Variants in CNTNAP2 observed in about 807,000 individuals in gnomAD.
CNTNAP2 encodes contactin associated protein 2.
In CNTNAP2, 98 loss-of-function variants were observed where a neutral mutation model predicts 155.2. That is an observed-to-expected ratio of 0.63 (90% CI 0.54 to 0.75). The LOEUF is 0.75. Ranked by LOEUF, CNTNAP2 falls within the 30% of genes least tolerant of loss-of-function variation. The probability of loss-of-function intolerance (pLI) is 0.00; values close to 1 mark genes in which losing one functional copy is unlikely to be tolerated. For synonymous variants in CNTNAP2, 651 were observed against 631.2 expected (o/e 1.03, Z -0.47); for missense variants, 1,727 against 1,688.1 (o/e 1.02, Z -0.40).
At chr7:146,178,762 G>T (rs1427670983) in intron 1 of CNTNAP2, among the ~76,000 whole-genome samples, 1 of 152,128 alleles carries the variant, frequency 6.6e-6, no homozygotes, top group African/African-American at 2.4e-5. Flanking sequence ...CAGGTAGAAT[G>T]AAGAGAAACA....
intron 1 of CNTNAP2, among the ~76,000 whole-genome samples, chr7:146,625,921 C>T (rs541058300): frequency 3.9e-5 from 6 of 152,154 alleles, no homozygotes; most frequent in Middle Eastern, 6.8e-3. Flanking sequence ...AGCTACAATG[C>T]CTCACTCATA....
intron 2 of CNTNAP2, among the ~76,000 whole-genome samples, chr7:146,785,251 G>A (rs1367255798): frequency 6.6e-6 from 1 of 152,076 alleles, no homozygotes; most frequent in Non-Finnish European, 1.5e-5. Flanking sequence ...TAGGATTACA[G>A]GCATGAGCCA....
chr7:147,688,130 C>T (rs184603653), intron 13 of CNTNAP2, among the ~76,000 whole-genome samples: 2,503 of 152,204 alleles, frequency 0.016, 223 homozygotes, highest in Admixed American at 0.15. Context: ...CTCTCTCTCT[C>T]TCTTTAAATA....
rs756765232 is a variant in CNTNAP2, at chr7:147,639,242, T to G, written c.2034T>G (p.Ser678Arg). 5 of 1,614,102 alleles carry G rather than the reference T, an allele frequency of 3.1e-6. No individual in the cohort carries two copies. In the East Asian group the frequency reaches 1.1e-4, roughly 36 times the overall value. ...SMDQISAITD[S>R]AEYCEQYVSY... ...ACCAGATAAGTGCCATCACTGACAG[T>G]GCCGAGTACTGCGAGCAGTATGTCT... The change falls in exon 13 of 24, where the codon AGT becomes AGG. Residue 678 changes from serine to arginine, a missense_variant. By Grantham distance (110) the Ser-to-Arg change is moderately radical. Coordinates refer to ENST00000361727, the MANE Select transcript of CNTNAP2 (RefSeq NM_014141.6).
chr7:146,803,843 G>T (rs1231656669), intron 2 of CNTNAP2, among the ~76,000 whole-genome samples: 1 of 152,152 alleles, frequency 6.6e-6, no homozygotes, highest in Admixed American at 6.5e-5. Flanking sequence ...TTCAAATAAT[G>T]CTGGAAAGCA....
intron 17 of CNTNAP2, among the ~76,000 whole-genome samples, chr7:148,154,101 T>G (rs955201585): frequency 6.6e-6 from 1 of 152,172 alleles, no homozygotes; most frequent in Non-Finnish European, 1.5e-5. Flanking sequence ...TCTCTAGAGG[T>G]TAAAGGGAAC....
chr7:148,118,957 G>T (rs563929417), intron 16 of CNTNAP2, among the ~76,000 whole-genome samples: 71 of 152,336 alleles, frequency 4.7e-4, no homozygotes, highest in Non-Finnish European at 9.3e-4. Context: ...CTCCGTCAGT[G>T]GAAGGTGGGG....
chr7:148,228,678 A>T (rs932981126), intron 19 of CNTNAP2, among the ~76,000 whole-genome samples: 1 of 150,648 alleles, frequency 6.6e-6, no homozygotes, highest in South Asian at 2.1e-4. Flanking sequence ...CAAAAAAAAA[A>T]TTAGCCCAGC....
intron 9 of CNTNAP2, among the ~76,000 whole-genome samples, chr7:147,322,305 G>T (rs902533303): frequency 6.6e-6 from 1 of 152,154 alleles, no homozygotes; most frequent in Non-Finnish European, 1.5e-5. Flanking sequence ...TGCAAGGGGG[G>T]AAAGTAATTA....
chr7:147,510,942 A>C (rs1428880788), intron 11 of CNTNAP2, among the ~76,000 whole-genome samples: 1 of 147,790 alleles, frequency 6.8e-6, no homozygotes, highest in Non-Finnish European at 1.5e-5. Context: ...TCAATCCAAC[A>C]GTTCTATGTC....
chr7:147,190,834 C>A (rs1047741958), intron 8 of CNTNAP2, among the ~76,000 whole-genome samples: 2 of 152,046 alleles, frequency 1.3e-5, no homozygotes, highest in Admixed American at 1.3e-4. Context: ...ACATAAAGTG[C>A]TTTGTGAAGG....
chr7:147,127,720 A>G (rs1332120919), intron 6 of CNTNAP2, among the ~76,000 whole-genome samples: 3 of 152,174 alleles, frequency 2.0e-5, no homozygotes, highest in African/African-American at 7.2e-5. Flanking sequence ...ATATATTCTC[A>G]TTGAAAATAA....
At chr7:146,477,689 A>G (rs549992278) in intron 1 of CNTNAP2, among the ~76,000 whole-genome samples, 7 of 151,258 alleles carry the variant, frequency 4.6e-5, no homozygotes, top group South Asian at 2.1e-4. Flanking sequence ...TCTGGATTGT[A>G]TACTAAAAAT....
rs539175337 is a variant in CNTNAP2 at position 148,241,762 on chromosome 7, C to T, written c.3381+11983C>T. 3.3e-5 allele frequency among the ~76,000 whole-genome samples: 5 copies of T among 152,310 alleles called. No homozygotes were observed. The South Asian group carries it at 8.3e-4, about 25-fold the overall frequency. On this transcript the variant is annotated intron_variant, in intron 20 of 23. Transcript: ENST00000361727. Reference sequence around the variant, plus strand: ...GCCATCAAGCCCATCTGATCTGAAACAGAAAAAGACTCATAATGAATATGT... The same window carrying T: ...GCCATCAAGCCCATCTGATCTGAAATAGAAAAAGACTCATAATGAATATGT...
At chr7:146,837,471 T>A (rs1803640812) in intron 2 of CNTNAP2, among the ~76,000 whole-genome samples, 1 of 152,172 alleles carries the variant, frequency 6.6e-6, no homozygotes. Context: ...TGTTTTATTT[T>A]AGATAATAGA....
intron 10 of CNTNAP2, among the ~76,000 whole-genome samples, chr7:147,409,787 AT>A (rs1324398751): frequency 1.3e-5 from 2 of 151,712 alleles, no homozygotes; most frequent in Non-Finnish European, 2.9e-5. Context: ...ATGAACCATC[AT>A]GAAAAAAAAA....
At chr7:146,388,759 C>T (rs1373884096) in intron 1 of CNTNAP2, among the ~76,000 whole-genome samples, 4 of 152,126 alleles carry the variant, frequency 2.6e-5, no homozygotes, top group Non-Finnish European at 5.9e-5. Context: ...CACCAGCCCC[C>T]CACTACCCTT....
chr7:146,449,920 C>A (rs530310534), intron 1 of CNTNAP2, among the ~76,000 whole-genome samples: 1 of 152,260 alleles, frequency 6.6e-6, no homozygotes, highest in South Asian at 2.1e-4. Flanking sequence ...TAGTGATGTA[C>A]AATCCAGTTG....
At chr7:146,138,508 A>G (rs942115082) in intron 1 of CNTNAP2, among the ~76,000 whole-genome samples, 1 of 152,154 alleles carries the variant, frequency 6.6e-6, no homozygotes, top group Non-Finnish European at 1.5e-5. Context: ...ATGTTGAACA[A>G]TATAGACCAT....
Sources: allele counts gnomAD v4.1 joint callset (sites outside exome capture counted in the v4.1 genomes callset), GRCh38; gene constraint gnomAD v4.1.1; transcripts MANE v1.5; gene names NCBI Gene and HGNC (gene_info 2026-07-23, HGNC 2026-07-21).